Variants in LRP1B observed in about 807,000 individuals in gnomAD.
LRP1B encodes the protein LDL receptor related protein 1B, also known as low-density lipoprotein receptor-related protein 1B.
LRP1B carries 217 observed loss-of-function variants against 556.6 expected under a neutral mutation model. That is an observed-to-expected ratio of 0.39 (90% CI 0.35 to 0.44). The LOEUF is 0.44. Ranked by LOEUF, LRP1B falls within the 20% of genes least tolerant of loss-of-function variation. The pLI is 1.00. For missense variants in LRP1B, 5,053 were observed against 5,620.8 expected (o/e 0.90, Z 3.23); for synonymous variants, 2,047 against 1,865.8 (o/e 1.10, Z -2.50).
At chr2:141,449,933 A>G (rs1331024092) in intron 3 of LRP1B, among the ~76,000 whole-genome samples, 1 of 152,152 alleles carries the variant, frequency 6.6e-6, no homozygotes, top group Non-Finnish European at 1.5e-5. Flanking sequence ...TGTCAGTTTC[A>G]TCTCCCCAGA....
chr2:141,720,646 G>A (rs1692777694), intron 2 of LRP1B, among the ~76,000 whole-genome samples: 4 of 151,886 alleles, frequency 2.6e-5, no homozygotes, highest in Non-Finnish European at 4.4e-5. Flanking sequence ...CATAAAATCC[G>A]TGACCTCTTC....
chr2:141,966,249 G>A (rs542786757), intron 1 of LRP1B, among the ~76,000 whole-genome samples: 93 of 151,954 alleles, frequency 6.1e-4, no homozygotes, highest in African/African-American at 2.1e-3. Flanking sequence ...CTAGAGAGTC[G>A]TTTTCCCTCT....
intron 1 of LRP1B, among the ~76,000 whole-genome samples, chr2:141,932,040 G>A (rs1328766954): frequency 2.6e-5 from 4 of 152,040 alleles, no homozygotes; most frequent in Admixed American, 2.6e-4. Context: ...GACACAGCAG[G>A]TGGACTAGAT....
chr2:141,690,381 G>A (rs1422240945), intron 2 of LRP1B, among the ~76,000 whole-genome samples: 1 of 85,610 alleles, frequency 1.2e-5, no homozygotes, highest in Non-Finnish European at 2.3e-5. Flanking sequence ...ATCCAGAAAA[G>A]GGATTACATC....
At chr2:142,009,574 A>G (rs1256797992) in intron 1 of LRP1B, among the ~76,000 whole-genome samples, 1 of 144,734 alleles carries the variant, frequency 6.9e-6, no homozygotes, top group African/African-American at 2.5e-5. Flanking sequence ...CTTCACTTCT[A>G]AAAAGAGTGT....
chr2:141,304,278 T>C (rs1686501567), intron 3 of LRP1B, among the ~76,000 whole-genome samples: 1 of 152,114 alleles, frequency 6.6e-6, no homozygotes. Context: ...ATATGTCCTG[T>C]GTACCTATTT....
At chr2:141,392,029 G>T (rs1690067779) in intron 3 of LRP1B, among the ~76,000 whole-genome samples, 1 of 152,120 alleles carries the variant, frequency 6.6e-6, no homozygotes, top group Non-Finnish European at 1.5e-5. Context: ...CATATGTTTA[G>T]CTGATGAGTG....
chr2:141,494,361 G>A (rs1228462400), intron 2 of LRP1B, among the ~76,000 whole-genome samples: 1 of 152,076 alleles, frequency 6.6e-6, no homozygotes, highest in East Asian at 1.9e-4. Flanking sequence ...ATACCACCTG[G>A]TAATCAATTG....
intron 1 of LRP1B, among the ~76,000 whole-genome samples, chr2:142,109,205 A>T (rs140719978): frequency 3.9e-5 from 6 of 152,358 alleles, no homozygotes; most frequent in African/African-American, 1.2e-4. Context: ...CAAAAAGAAC[A>T]TGATGACCTT....
intron 7 of LRP1B, among the ~76,000 whole-genome samples, chr2:141,188,025 T>C (rs1040327171): frequency 6.6e-6 from 1 of 152,032 alleles, no homozygotes; most frequent in Non-Finnish European, 1.5e-5. Flanking sequence ...ATGCTGGATA[T>C]AAGTATGTCA....
intron 37 of LRP1B, among the ~76,000 whole-genome samples, chr2:140,706,712 C>T (rs1454411620): frequency 6.6e-6 from 1 of 152,122 alleles, no homozygotes; most frequent in African/African-American, 2.4e-5. Context: ...CACTGGAGCG[C>T]CCAAAGGCCT....
intron 37 of LRP1B, among the ~76,000 whole-genome samples, chr2:140,706,775 G>A (rs1397283213): frequency 6.6e-6 from 1 of 151,862 alleles, no homozygotes; most frequent in Non-Finnish European, 1.5e-5. Flanking sequence ...TCTGACAACT[G>A]TACAGATTGA....
chr2:140,588,299 A>G (rs1682068520), intron 43 of LRP1B, among the ~76,000 whole-genome samples: 1 of 152,210 alleles, frequency 6.6e-6, no homozygotes, highest in Admixed American at 6.5e-5. Flanking sequence ...AGGGGAGGCT[A>G]AAGAAACATA....
At chr2:141,878,767 C>T (rs568572365) in intron 1 of LRP1B, among the ~76,000 whole-genome samples, 5 of 152,000 alleles carry the variant, frequency 3.3e-5, no homozygotes, top group Admixed American at 3.3e-4. Context: ...AGTCCAATTA[C>T]ATTTATCCAT....
At chr2:140,580,853 G>C (rs958071679) in intron 43 of LRP1B, among the ~76,000 whole-genome samples, 1 of 152,180 alleles carries the variant, frequency 6.6e-6, no homozygotes, top group Non-Finnish European at 1.5e-5. Context: ...GGCTGCTCCA[G>C]AAATATCCTC....
intron 2 of LRP1B, among the ~76,000 whole-genome samples, chr2:141,703,512 G>A (rs1219395689): frequency 6.6e-6 from 1 of 151,938 alleles, no homozygotes; most frequent in Non-Finnish European, 1.5e-5. Flanking sequence ...ATTACTTCCA[G>A]TACAGAGAGA....
At chr2:141,504,673 C>G (rs1683856071) in intron 2 of LRP1B, among the ~76,000 whole-genome samples, 1 of 152,068 alleles carries the variant, frequency 6.6e-6, no homozygotes, top group South Asian at 2.1e-4. Flanking sequence ...ACCAAAGGAT[C>G]AAGAACACTC....
chr2:140,367,030 G>T (rs1387412698), intron 71 of LRP1B, among the ~76,000 whole-genome samples: 1 of 151,700 alleles, frequency 6.6e-6, no homozygotes, highest in East Asian at 1.9e-4. Flanking sequence ...TAGACTGGAA[G>T]TGAAACAAAT....
At position 140,495,698 on chromosome 2, in the gene LRP1B, T is replaced by C. The variant is rs1325412483; in HGVS notation, c.8901A>G (p.Val2967=). 1.2e-6 allele frequency: 2 copies of C among 1,613,542 alleles called. No homozygotes were observed. The highest frequency in any genetic ancestry group is 2.2e-5 in the East Asian group (1 of 44,868). ...FQLKDDGKTC[V]DIDECSSGFP... is the part of the protein sequence containing the mutation. ...AGCCTGAAGAGCATTCATCAATGTC[T>C]ACACATGTTTTGCCGTCATCCTTCA... Residue 2967 remains valine, a synonymous_variant, in exon 56 of 91, where the codon GTA becomes GTG. Coordinates refer to ENST00000389484, the MANE Select transcript of LRP1B (RefSeq NM_018557.3).
Sources: gnomAD v4.1 joint callset for allele counts (sites outside exome capture counted in the v4.1 genomes callset) on GRCh38, gnomAD v4.1.1 for gene constraint, MANE v1.5 for transcripts, NCBI Gene and HGNC (gene_info 2026-07-23, HGNC 2026-07-21) for gene names.